Variants in RABGAP1L observed in about 807,000 individuals in gnomAD.
RABGAP1L encodes the protein rab GTPase-activating protein 1-like.
A neutral mutation model predicts 137.7 loss-of-function variants in RABGAP1L; 63 were observed. The observed-to-expected ratio is 0.46, with a 90% CI of 0.37 to 0.56. The LOEUF (loss-of-function observed/expected upper bound fraction) is 0.56, where lower values mean the gene tolerates loss of function less well. RABGAP1L is among the 20% of genes least tolerant of loss of function. The pLI, the probability that RABGAP1L is intolerant of heterozygous loss-of-function variation, is 0.00. For missense variants in RABGAP1L, 1,095 were observed against 1,244.0 expected (o/e 0.88, Z 1.80); for synonymous variants, 431 against 433.7 (o/e 0.99, Z 0.08).
intron 15 of RABGAP1L, among the ~76,000 whole-genome samples, chr1:174,695,126 A>C (rs1679155458): frequency 6.6e-6 from 1 of 152,110 alleles, no homozygotes; most frequent in Admixed American, 6.6e-5. Context: ...TAGGTTGCGA[A>C]AATTTTCTCC....
intron 2 of RABGAP1L, 26 bp from the exon 3 acceptor site, chr1:174,220,946 A>T: frequency 6.6e-7 from 1 of 1,522,868 alleles, no homozygotes; most frequent in Non-Finnish European, 8.8e-7. Flanking sequence ...TAGAATTGAA[A>T]CAGAATTGTC....
rs550995784 is a variant in RABGAP1L, at chr1:174,684,767, A to G, written c.1899+1171A>G. Among the ~76,000 whole-genome samples the G allele has an allele frequency of 2.3e-4, 35 of 152,290 alleles. No individual in the cohort carries two copies. The South Asian group carries it at 5.8e-3, about 25-fold the overall frequency. ...TGAGGCAGGAGGATCACTTGAGCCC[A>G]GGAATTTGAAACCAGCCTAGGCAAT... On this transcript the variant is annotated intron_variant, in intron 15 of 25. Transcript: ENST00000681986.
intron 14 of RABGAP1L, among the ~76,000 whole-genome samples, chr1:174,662,694 A>G (rs1042732166): frequency 6.6e-6 from 1 of 152,164 alleles, no homozygotes; most frequent in African/African-American, 2.4e-5. Context: ...GTGCCCGGCC[A>G]AGAAGGCATT....
chr1:174,883,531 G>A (rs1333360449), intron 19 of RABGAP1L, among the ~76,000 whole-genome samples: 1 of 152,182 alleles, frequency 6.6e-6, no homozygotes, highest in Non-Finnish European at 1.5e-5. Flanking sequence ...GAAACTTGAA[G>A]CCTTCTGCCC....
chr1:174,740,784 C>T (rs555586591), intron 17 of RABGAP1L, among the ~76,000 whole-genome samples: 55 of 152,120 alleles, frequency 3.6e-4, no homozygotes, highest in African/African-American at 1.3e-3. Context: ...TATGCTATCT[C>T]ATTGTGGTTT....
intron 12 of RABGAP1L, among the ~76,000 whole-genome samples, chr1:174,383,749 T>C (rs1686451772): frequency 6.6e-6 from 1 of 152,316 alleles, no homozygotes; most frequent in South Asian, 2.1e-4. Flanking sequence ...TCACCCGTCT[T>C]CTGCGTCGCT....
intron 1 of RABGAP1L, among the ~76,000 whole-genome samples, chr1:174,195,656 T>C (rs369261010): frequency 1.4e-4 from 10 of 71,520 alleles, no homozygotes; most frequent in African/African-American, 5.2e-4. Flanking sequence ...TTCCTTCCTT[T>C]CCTTTCCTTT....
chr1:174,788,157 A>G (rs1201395637), intron 18 of RABGAP1L, among the ~76,000 whole-genome samples: 4 of 152,162 alleles, frequency 2.6e-5, no homozygotes, highest in Admixed American at 2.6e-4. Flanking sequence ...GCTTTAATGT[A>G]TTATTGTTTG....
intron 18 of RABGAP1L, among the ~76,000 whole-genome samples, chr1:174,772,565 C>T (rs1442349689): frequency 1.8e-5 from 1 of 56,310 alleles, no homozygotes; most frequent in Non-Finnish European, 3.2e-5. Context: ...AAGACTCCAT[C>T]TCAAAAAAAA....
chr1:174,880,810 C>T (rs529998298), intron 19 of RABGAP1L, among the ~76,000 whole-genome samples: 4 of 152,108 alleles, frequency 2.6e-5, no homozygotes, highest in South Asian at 4.1e-4. Context: ...TGGTTTTGAA[C>T]TCTTGGGCTC....
chr1:174,165,730 C>T (rs992833863), intron 1 of RABGAP1L, among the ~76,000 whole-genome samples: 1 of 152,010 alleles, frequency 6.6e-6, no homozygotes, highest in African/African-American at 2.4e-5. Context: ...AACTTCTGGA[C>T]TGAAACTGTC....
chr1:174,542,635 G>C (rs181403382), intron 13 of RABGAP1L, among the ~76,000 whole-genome samples: 1 of 151,988 alleles, frequency 6.6e-6, no homozygotes, highest in East Asian at 1.9e-4. Flanking sequence ...CCTTCTGCTG[G>C]CTTTTGAATG....
chr1:174,977,251 G>A (rs1670725094), intron 22 of RABGAP1L, among the ~76,000 whole-genome samples: 1 of 152,168 alleles, frequency 6.6e-6, no homozygotes, highest in African/African-American at 2.4e-5. Flanking sequence ...GATTTAATGA[G>A]TCTTTGGCAT....
At chr1:174,258,526 T>G (rs556493915) in intron 7 of RABGAP1L, among the ~76,000 whole-genome samples, 9 of 152,300 alleles carry the variant, frequency 5.9e-5, no homozygotes, top group Admixed American at 5.9e-4. Context: ...TGAGTTCAAG[T>G]GATCTTGACT....
intron 14 of RABGAP1L, among the ~76,000 whole-genome samples, chr1:174,663,254 A>T (rs1234965721): frequency 6.6e-6 from 1 of 152,158 alleles, no homozygotes; most frequent in Non-Finnish European, 1.5e-5. Flanking sequence ...CTTTCATACC[A>T]CATTTTTACT....
intron 12 of RABGAP1L, among the ~76,000 whole-genome samples, chr1:174,377,759 C>A (rs1571497807): frequency 7.1e-6 from 1 of 141,824 alleles, no homozygotes; most frequent in Non-Finnish European, 1.5e-5. Context: ...AACTGCAACT[C>A]TTTTTTTTTT....
intron 13 of RABGAP1L, among the ~76,000 whole-genome samples, chr1:174,551,298 C>T (rs1162739124): frequency 6.6e-6 from 1 of 151,608 alleles, no homozygotes; most frequent in Non-Finnish European, 1.5e-5. Flanking sequence ...CCATCCTGGG[C>T]CATTAAACAA....
At chr1:174,170,671 C>CA (rs35800051) in intron 1 of RABGAP1L, among the ~76,000 whole-genome samples, 33,232 of 85,160 alleles carry the variant, frequency 0.39, 5,621 homozygotes, top group African/African-American at 0.49. Context: ...GACGCTGTTT[C>CA]AAAAAAAAAA....
intron 10 of RABGAP1L, among the ~76,000 whole-genome samples, chr1:174,302,412 A>T (rs56149646): frequency 6.6e-6 from 1 of 152,198 alleles, no homozygotes; most frequent in South Asian, 2.1e-4. Context: ...GAAAAGAGAG[A>T]GGTCTCAAGA....
Sources: gnomAD v4.1 joint callset for allele counts (sites outside exome capture counted in the v4.1 genomes callset) on GRCh38, gnomAD v4.1.1 for gene constraint, MANE v1.5 for transcripts, NCBI Gene and HGNC (gene_info 2026-07-23, HGNC 2026-07-21) for gene names.